Variants in PRH1 observed in about 807,000 individuals in gnomAD.
PRH1 encodes proline rich protein HaeIII subfamily 1.
A neutral mutation model predicts 7.9 loss-of-function variants in PRH1; 7 were observed. The observed-to-expected ratio is 0.89, with a 90% CI of 0.50 to 1.67. The LOEUF is 1.67. Among genes scored for constraint, PRH1 ranks in the 40% most tolerant of loss-of-function variants. PRH1 has a pLI of 0.00. For missense variants in PRH1, 109 were observed against 223.6 expected, an observed-to-expected ratio of 0.49 and a Z score of 3.27; for synonymous variants, 45 against 80.8, an observed-to-expected ratio of 0.56 and a Z score of 2.38.
At chr12:11,019,014 A>ACAAACAT in intron 1 of PRH1, among the ~76,000 whole-genome samples, 1 of 137,566 alleles carries the variant, frequency 7.3e-6, no homozygotes, top group Admixed American at 7.5e-5. Context: ...AAATTAAAAA[A>ACAAACAT]AAACTATCTC....
intron 1 of PRH1, among the ~76,000 whole-genome samples, chr12:11,041,307 A>AAAAAAAAAAAC (rs1565584500): frequency 1.0e-5 from 1 of 97,194 alleles, no homozygotes; most frequent in Non-Finnish European, 2.0e-5. Flanking sequence ...AAAAAAAAAA[A>AAAAAAAAAAAC]AAAACAAAAA....
intron 1 of PRH1, among the ~76,000 whole-genome samples, chr12:10,980,471 C>G (rs974993653): frequency 6.6e-6 from 1 of 152,070 alleles, no homozygotes; most frequent in Non-Finnish European, 1.5e-5. Flanking sequence ...CTCCCACATT[C>G]TCCCTAGATT....
intron 1 of PRH1, among the ~76,000 whole-genome samples, chr12:11,042,514 A>T (rs974508572): frequency 2.8e-5 from 4 of 142,800 alleles, no homozygotes; most frequent in Non-Finnish European, 4.6e-5. Flanking sequence ...AAAGCCTGGG[A>T]GCAGACGGCT....
intron 1 of PRH1, among the ~76,000 whole-genome samples, chr12:11,127,411 G>C (rs552655351): frequency 6.6e-6 from 1 of 152,404 alleles, no homozygotes; most frequent in South Asian, 2.1e-4. Flanking sequence ...ACTGTTATAT[G>C]TAGCTTGGTC....
intron 2 of PRH1, among the ~76,000 whole-genome samples, chr12:10,927,903 TCA>T (rs1950145425): frequency 1.3e-5 from 2 of 152,190 alleles, no homozygotes; most frequent in Admixed American, 6.5e-5. Context: ...TTTCTAGGTA[TCA>T]CAGAGCAATC....
In PRH1 at chr12:11,088,542, A is replaced by T. The variant is rs1944785141; in HGVS notation, n.124-41354T>A. On this transcript the variant is annotated intron_variant and non_coding_transcript_variant, in intron 1 of 4. Transcript: ENST00000541977. ...GTGTCCCTAGACCACACGTTGAAAC[A>T]ATCTTTTTTACAGTATATGGCATGT... 1.8e-5 allele frequency among the ~76,000 whole-genome samples: 2 copies of T among 109,538 alleles called. 1 individual carries two copies. 71.9% of individuals were successfully genotyped at this position (109,538 alleles called of 152,430 possible). A position where few individuals can be genotyped will look rare whatever the true frequency, so the allele number is the denominator to read the frequency against.
intron 1 of PRH1, among the ~76,000 whole-genome samples, chr12:11,025,415 A>G (rs1263969627): frequency 6.6e-6 from 1 of 152,270 alleles, no homozygotes; most frequent in Non-Finnish European, 1.5e-5. Context: ...TTCTGTTAAA[A>G]TCAGGTTGTA....
upstream of PRH1, among the ~76,000 whole-genome samples, chr12:10,887,187 T>C (rs1457796783): frequency 1.3e-5 from 2 of 152,182 alleles, no homozygotes; most frequent in African/African-American, 4.8e-5. Context: ...CACCATGCTC[T>C]AGTTTGCCTG....
chr12:10,939,280 T>C (rs1950352759), intron 2 of PRH1: 3 of 831,100 alleles, frequency 3.6e-6, no homozygotes, highest in Admixed American at 5.8e-5. Flanking sequence ...TAAAATGCTA[T>C]GTATATCTGA....
intron 2 of PRH1, among the ~76,000 whole-genome samples, chr12:10,952,807 C>T (rs1235938318): frequency 6.6e-6 from 1 of 152,190 alleles, no homozygotes; most frequent in Non-Finnish European, 1.5e-5. Context: ...CATCCCGGTC[C>T]AAGAGCCTAT....
At chr12:11,055,734 T>C (rs1943337763) in intron 1 of PRH1, among the ~76,000 whole-genome samples, 1 of 152,246 alleles carries the variant, frequency 6.6e-6, no homozygotes, top group Non-Finnish European at 1.5e-5. Context: ...CTATAATTTG[T>C]GCTGAGCAAT....
At chr12:10,972,220 C>G (rs1938848656) in intron 2 of PRH1, among the ~76,000 whole-genome samples, 1 of 152,086 alleles carries the variant, frequency 6.6e-6, no homozygotes, top group African/African-American at 2.4e-5. Context: ...TGGTAGTAAA[C>G]TTCCCATGAA....
intron 1 of PRH1, among the ~76,000 whole-genome samples, chr12:11,143,611 C>G (rs1946772070): frequency 1.3e-5 from 2 of 151,940 alleles, no homozygotes; most frequent in South Asian, 4.2e-4. Context: ...CCTATACAGA[C>G]ATGCACAGAT....
chr12:11,008,847 TTGC>T (rs1391838379), intron 1 of PRH1, among the ~76,000 whole-genome samples: 1 of 152,036 alleles, frequency 6.6e-6, no homozygotes, highest in Admixed American at 6.6e-5. Flanking sequence ...TCATATACAT[TTGC>T]TACAATTCCT....
intron 2 of PRH1, among the ~76,000 whole-genome samples, chr12:10,950,054 T>G (rs1950545801): frequency 6.6e-6 from 1 of 152,228 alleles, no homozygotes; most frequent in African/African-American, 2.4e-5. Context: ...TCATTTTCTT[T>G]GTTATATAAA....
chr12:11,012,149 T>G (rs775410167), intron 1 of PRH1, among the ~76,000 whole-genome samples: 1 of 152,174 alleles, frequency 6.6e-6, no homozygotes, highest in Non-Finnish European at 1.5e-5. Context: ...CTTCTCTGTA[T>G]GTGAATTTTC....
intron 1 of PRH1, among the ~76,000 whole-genome samples, chr12:11,037,960 T>G (rs1469963895): frequency 6.6e-6 from 1 of 152,246 alleles, no homozygotes; most frequent in Non-Finnish European, 1.5e-5. Flanking sequence ...GAGAATCACT[T>G]GAGCCCAGGT....
At chr12:10,928,591 C>T (rs768588155) in intron 2 of PRH1, among the ~76,000 whole-genome samples, 29 of 152,180 alleles carry the variant, frequency 1.9e-4, no homozygotes, top group Non-Finnish European at 4.1e-4. Context: ...ACAGCACCAA[C>T]GCTTGCCTGA....
At chr12:10,911,867 C>T (rs1949905233) in intron 2 of PRH1, among the ~76,000 whole-genome samples, 1 of 152,076 alleles carries the variant, frequency 6.6e-6, no homozygotes, top group Non-Finnish European at 1.5e-5. Context: ...CCCATAACAC[C>T]TTATTTGCTC....
Sources: allele counts gnomAD v4.1 joint callset (sites outside exome capture counted in the v4.1 genomes callset), GRCh38; gene constraint gnomAD v4.1.1; transcripts MANE v1.5; gene names NCBI Gene and HGNC (gene_info 2026-07-23, HGNC 2026-07-21).